NPAS3: variants seen among roughly 807,000 people sequenced by gnomAD.
NPAS3 encodes the protein neuronal PAS domain-containing protein 3.
A neutral mutation model predicts 73.1 loss-of-function variants in NPAS3; 14 were observed. That is an observed-to-expected ratio of 0.19 (90% CI 0.13 to 0.30). The LOEUF (loss-of-function observed/expected upper bound fraction) is 0.30. Among genes scored for constraint, NPAS3 ranks in the 10% least tolerant of loss-of-function variants. NPAS3 has a pLI of 1.00. For synonymous variants in NPAS3, 620 were observed against 541.5 expected (o/e 1.14, Z -2.01); for missense variants, 1,096 against 1,250.0 (o/e 0.88, Z 1.86).
chr14:33,081,387 A>G (rs1184329259), intron 2 of NPAS3, among the ~76,000 whole-genome samples: 1 of 151,546 alleles, frequency 6.6e-6, no homozygotes, highest in Non-Finnish European at 1.5e-5. Flanking sequence ...TTTTTTCCCC[A>G]GCTTATTCTC....
intron 3 of NPAS3, among the ~76,000 whole-genome samples, chr14:33,227,254 G>A (rs7149886): frequency 0.61 from 92,019 of 151,970 alleles, 28,923 homozygotes; most frequent in East Asian, 0.83. Flanking sequence ...GTAACAAGTT[G>A]TTCAGCCTCT....
chr14:33,623,418 A>G (rs1203153473), intron 5 of NPAS3, among the ~76,000 whole-genome samples: 8 of 152,218 alleles, frequency 5.3e-5, no homozygotes, highest in Non-Finnish European at 1.0e-4. Flanking sequence ...TGTATAATAC[A>G]TCAGCATTTG....
At chr14:32,967,733 T>C (rs780515442) in intron 1 of NPAS3, among the ~76,000 whole-genome samples, 2 of 151,052 alleles carry the variant, frequency 1.3e-5, no homozygotes, top group African/African-American at 2.4e-5. Flanking sequence ...TTATACACTG[T>C]TGGTGGGAAC....
At chr14:33,580,550 G>A (rs904182144) in intron 5 of NPAS3, among the ~76,000 whole-genome samples, 1 of 152,150 alleles carries the variant, frequency 6.6e-6, no homozygotes, top group East Asian at 1.9e-4. Flanking sequence ...AGAGGCAGAC[G>A]TACAGCCACG....
chr14:33,600,190 C>T (rs1459678119), intron 5 of NPAS3, among the ~76,000 whole-genome samples: 3 of 152,172 alleles, frequency 2.0e-5, no homozygotes, highest in African/African-American at 7.2e-5. Context: ...ATATTATCCA[C>T]AGAATAACTA....
chr14:32,974,107 A>G (rs2037553060), intron 1 of NPAS3, among the ~76,000 whole-genome samples: 1 of 152,236 alleles, frequency 6.6e-6, no homozygotes, highest in African/African-American at 2.4e-5. Context: ...TACAGAGTGT[A>G]GAAAGAGAAC....
intron 4 of NPAS3, among the ~76,000 whole-genome samples, chr14:33,436,470 A>G (rs2048996453): frequency 6.6e-6 from 1 of 152,216 alleles, no homozygotes; most frequent in East Asian, 1.9e-4. Flanking sequence ...TCAGTGTGCT[A>G]GATAGCGGAA....
intron 5 of NPAS3, among the ~76,000 whole-genome samples, chr14:33,602,087 T>G (rs1285423871): frequency 6.6e-6 from 1 of 152,020 alleles, no homozygotes; most frequent in Non-Finnish European, 1.5e-5. Flanking sequence ...ACCGAGAGTG[T>G]GGGGAGACCT....
intron 1 of NPAS3, among the ~76,000 whole-genome samples, chr14:33,031,292 GA>G (rs1481360773): frequency 1.3e-5 from 2 of 152,102 alleles, no homozygotes; most frequent in Admixed American, 1.3e-4. Context: ...TTTGATTCTC[GA>G]GTTAGTTATA....
intron 5 of NPAS3, among the ~76,000 whole-genome samples, chr14:33,615,833 G>C (rs1221796856): frequency 6.6e-6 from 1 of 152,076 alleles, no homozygotes; most frequent in Non-Finnish European, 1.5e-5. Context: ...TATCAACCTA[G>C]TTTGATTTAC....
At chr14:33,269,279 C>T (rs2040962649) in intron 3 of NPAS3, among the ~76,000 whole-genome samples, 2 of 152,108 alleles carry the variant, frequency 1.3e-5, no homozygotes, top group Admixed American at 1.3e-4. Flanking sequence ...CCACACAACA[C>T]CCTCCTAAGT....
At chr14:33,581,682 C>G (rs1376824626) in intron 5 of NPAS3, among the ~76,000 whole-genome samples, 1 of 152,130 alleles carries the variant, frequency 6.6e-6, no homozygotes, top group Non-Finnish European at 1.5e-5. Context: ...GGTGATCCTC[C>G]CTCCCCAGCC....
chr14:33,580,775 C>T (rs769933138), intron 5 of NPAS3, among the ~76,000 whole-genome samples: 51 of 151,922 alleles, frequency 3.4e-4, no homozygotes, highest in Non-Finnish European at 5.0e-4. Flanking sequence ...TTGTTGGTCC[C>T]CCTCCCACAC....
intron 4 of NPAS3, among the ~76,000 whole-genome samples, chr14:33,430,194 G>A (rs955609288): frequency 2.0e-5 from 3 of 152,140 alleles, no homozygotes; most frequent in African/African-American, 7.2e-5. Flanking sequence ...AAATCCAGTG[G>A]TATAGGACAA....
chr14:33,284,171 G>A (rs993793396), intron 3 of NPAS3, among the ~76,000 whole-genome samples: 1 of 152,092 alleles, frequency 6.6e-6, no homozygotes, highest in Non-Finnish European at 1.5e-5. Context: ...TCATCCCAAA[G>A]TACAGCCAAC....
chr14:33,458,196 T>C (rs1189431287), intron 4 of NPAS3, among the ~76,000 whole-genome samples: 2 of 152,252 alleles, frequency 1.3e-5, no homozygotes, highest in African/African-American at 4.8e-5. Context: ...AAGTATTCTT[T>C]TGTTTTTTAA....
chr14:33,797,186 C>A (rs2063537174), intron 10 of NPAS3, among the ~76,000 whole-genome samples: 1 of 152,174 alleles, frequency 6.6e-6, no homozygotes, highest in Non-Finnish European at 1.5e-5. Flanking sequence ...AGTTTCCTGA[C>A]CCCCAGTGGT....
intron 2 of NPAS3, among the ~76,000 whole-genome samples, chr14:33,112,044 C>T (rs1260309998): frequency 6.6e-6 from 1 of 152,068 alleles, no homozygotes; most frequent in Non-Finnish European, 1.5e-5. Context: ...GTATATATGC[C>T]ACATTTTCTT....
intron 3 of NPAS3, among the ~76,000 whole-genome samples, chr14:33,311,688 C>A (rs2043008826): frequency 6.6e-6 from 1 of 152,034 alleles, no homozygotes; most frequent in Non-Finnish European, 1.5e-5. Context: ...AGAGCTGTAC[C>A]AAATTTGGAC....
Sources: allele counts gnomAD v4.1 joint callset (sites outside exome capture counted in the v4.1 genomes callset), GRCh38; gene constraint gnomAD v4.1.1; transcripts MANE v1.5; gene names NCBI Gene and HGNC (gene_info 2026-07-23, HGNC 2026-07-21).